Variants in ZDHHC18 observed in about 807,000 individuals in gnomAD.
ZDHHC18 encodes the protein zDHHC palmitoyltransferase 18.
In ZDHHC18, 23 loss-of-function variants were observed where a neutral mutation model predicts 37.5. The ratio of observed to expected loss-of-function variants is 0.61; its 90% CI spans 0.44 to 0.87. The LOEUF (loss-of-function observed/expected upper bound fraction) is 0.87, where lower values mean the gene tolerates loss of function less well. Among genes scored for constraint, ZDHHC18 ranks in the 40% least tolerant of loss-of-function variants. ZDHHC18 has a pLI of 0.00. For synonymous variants in ZDHHC18, 185 were observed against 218.7 expected (o/e 0.85, Z 1.36); for missense variants, 406 against 525.6 (o/e 0.77, Z 2.22).
At chr1:26,853,382 CT>C (rs1249489000) in intron 7 of ZDHHC18, among the ~76,000 whole-genome samples, 4 of 152,224 alleles carry the variant, frequency 2.6e-5, no homozygotes, top group Non-Finnish European at 1.5e-5. Flanking sequence ...GTCACCCAGC[CT>C]GCCTAGAGGG....
chr1:26,852,250 A>T (rs910401976), intron 6 of ZDHHC18, among the ~76,000 whole-genome samples: 1 of 152,066 alleles, frequency 6.6e-6, no homozygotes, highest in African/African-American at 2.4e-5. Context: ...TTATTGCTAA[A>T]CTCTCCAGTG....
chr1:26,833,485 C>T (rs184866392), intron 2 of ZDHHC18, among the ~76,000 whole-genome samples: 4 of 151,166 alleles, frequency 2.6e-5, no homozygotes, highest in African/African-American at 9.6e-5. Flanking sequence ...GGTAGAAATA[C>T]GGGGATCTGG....
At position 26,826,774 on chromosome 1, in the gene ZDHHC18, G is replaced by A; in HGVS notation, c.-31G>A. On this transcript the variant is annotated 5_prime_UTR_variant, in exon 1 of 8. Transcript: ENST00000374142. The surrounding 1 kb of genome is among the most constrained non-coding windows in gnomAD (Gnocchi z 5.2). The stretch of plus-strand genomic sequence containing the variant: ...CCCGGAGTGGCCCGGCCGGCCCGCG[G>A]GGCGCGGAGCCGAGGCCCGCGGCTG... The A allele has an allele frequency of 2.1e-6, 2 of 969,332 alleles. No individual in the cohort carries two copies. The highest frequency in any genetic ancestry group is 2.4e-6 in the Non-Finnish European group (2 of 817,574). The allele number at this position is 969,332 out of a possible 1,614,324, so 60.0% of individuals were successfully genotyped here. A position where few individuals can be genotyped will look rare whatever the true frequency, so the allele number is the denominator to read the frequency against.
chr1:26,852,371 T>C (rs922684727), intron 6 of ZDHHC18, among the ~76,000 whole-genome samples: 2 of 152,260 alleles, frequency 1.3e-5, no homozygotes, highest in African/African-American at 4.8e-5. Context: ...AAATGAGGAC[T>C]CAGGCTCAGC....
intron 3 of ZDHHC18, 53 bp downstream of exon 3, chr1:26,848,810 C>A: frequency 6.3e-7 from 1 of 1,584,572 alleles, no homozygotes; most frequent in South Asian, 1.1e-5. Context: ...GAGACTGAGT[C>A]GTGGGGATGG....
chr1:26,850,992 G>T lies in ZDHHC18; in HGVS notation c.834-137G>T. ...CAGGAGGTGATCCTGCTAAGAAGTG[G>T]GGACTGGGCCACAGGAAGGTTCCAA... is the stretch of plus-strand genomic sequence containing the variant. On this transcript the variant is annotated intron_variant, in intron 5 of 7. Transcript: ENST00000374142. This position sits in a 1 kb window ranked among gnomAD's most constrained non-coding sequence, Gnocchi z 6.1. 1 of 785,456 alleles carries T rather than the reference G, an allele frequency of 1.3e-6. No homozygotes were observed. The allele number at this position is 785,456 out of a possible 1,614,324, so 48.7% of individuals were successfully genotyped here.
At chr1:26,839,789 G>A (rs547526394) in intron 2 of ZDHHC18, among the ~76,000 whole-genome samples, 50 of 152,336 alleles carry the variant, frequency 3.3e-4, no homozygotes, top group Non-Finnish European at 5.1e-4. Flanking sequence ...AGCTGCCATC[G>A]GTAGTGGCTG....
intron 1 of ZDHHC18, 31 bp downstream of exon 1, chr1:26,827,170 A>G: frequency 2.6e-6 from 3 of 1,153,962 alleles, no homozygotes; most frequent in Non-Finnish European, 3.2e-6. Context: ...GCCCCCTCCC[A>G]GCCCCCTGCC....
chr1:26,831,061 C>T (rs889278983), intron 1 of ZDHHC18, among the ~76,000 whole-genome samples: 2 of 152,162 alleles, frequency 1.3e-5, no homozygotes, highest in South Asian at 2.1e-4. Context: ...GGATTGCAGG[C>T]GTGAGCCACT....
intron 5 of ZDHHC18, 62 bp from the exon 6 acceptor site, chr1:26,851,067 A>G (rs2124268007): frequency 6.8e-7 from 1 of 1,470,432 alleles, no homozygotes; most frequent in Non-Finnish European, 9.5e-7. Context: ...TAGGTGAGAC[A>G]GGCCAGGTGT....
chr1:26,847,513 G>C (rs891933020), intron 2 of ZDHHC18, among the ~76,000 whole-genome samples: 1 of 152,080 alleles, frequency 6.6e-6, no homozygotes, highest in African/African-American at 2.4e-5. Flanking sequence ...CATTCGGCCT[G>C]TTTCGTAGTT....
Position 26,854,179 on chromosome 1 carries a change from C to G in ZDHHC18, c.*336C>G, listed in dbSNP as rs1338625891. On this transcript the variant is annotated 3_prime_UTR_variant, in exon 8 of 8. Coordinates refer to ENST00000374142, the MANE Select transcript of ZDHHC18 (RefSeq NM_032283.3). The surrounding 1 kb of genome is among the most constrained non-coding windows in gnomAD (Gnocchi z 4.6). ...GGCTGTGAACTGAGCGTGAGGCCTC[C>G]CAGGTGGGGGAACTGCTTGGGCCTT... 2.5e-5 allele frequency: 6 copies of G among 236,376 alleles called. No homozygotes were observed. The highest frequency in any genetic ancestry group is 4.2e-5 in the Non-Finnish European group (5 of 118,908). 14.6% of individuals were successfully genotyped at this position (236,376 alleles called of 1,614,324 possible).
Position 26,851,146 on chromosome 1 carries a change from T to C in ZDHHC18, c.851T>C (p.Ile284Thr). ...ETPASVLELV[I>T]CFFSIWSILG... ...GCCCTCACCGTGCTGGAGTTGGTGA[T>C]CTGCTTCTTCTCCATCTGGTCCATT... Residue 284 changes from isoleucine to threonine, a missense_variant, in exon 6 of 8, where the codon ATC (isoleucine) becomes ACC (threonine). Transcript: ENST00000374142. 1.2e-6 allele frequency: 2 copies of C among 1,614,210 alleles called. No homozygotes were observed. Among genetic ancestry groups the C allele is most frequent in the Non-Finnish European group, 1.7e-6 (2 of 1,180,026 alleles).
At chr1:26,852,583 C>CTG (rs1390490301) in intron 6 of ZDHHC18, among the ~76,000 whole-genome samples, 170 bp from the exon 7 acceptor site, 4 of 152,238 alleles carry the variant, frequency 2.6e-5, no homozygotes, top group Non-Finnish European at 2.9e-5. Context: ...CTCCTGATCT[C>CTG]TGCCAGGGGT....
In ZDHHC18 at chr1:26,844,071, G is replaced by A. The variant is rs185486169; in HGVS notation, c.497-4537G>A. On this transcript the variant is annotated intron_variant, in intron 2 of 7. Coordinates refer to ENST00000374142, the MANE Select transcript of ZDHHC18 (RefSeq NM_032283.3). ...TTTTGTTTTTTTGTGATGGAGTCTC[G>A]CTCTGTCACCCAGACTGGAGTGCAA... 4.0e-3 allele frequency among the ~76,000 whole-genome samples: 610 copies of A among 152,016 alleles called. 2 individuals are homozygous for A. Among genetic ancestry groups the A allele is most frequent in the Non-Finnish European group, 6.5e-3 (441 of 67,980 alleles).
At chr1:26,844,903 T>C (rs1347647224) in intron 2 of ZDHHC18, among the ~76,000 whole-genome samples, 1 of 151,808 alleles carries the variant, frequency 6.6e-6, no homozygotes, top group East Asian at 1.9e-4. Context: ...TTACAGGATT[T>C]CTTTACATGG....
intron 2 of ZDHHC18, among the ~76,000 whole-genome samples, chr1:26,835,350 C>G (rs1394043626): frequency 6.6e-6 from 1 of 152,216 alleles, no homozygotes; most frequent in Non-Finnish European, 1.5e-5. Flanking sequence ...AATTCTCAAA[C>G]TTGAATAGAA....
intron 1 of ZDHHC18, among the ~76,000 whole-genome samples, chr1:26,827,660 G>A (rs1007205770): frequency 1.3e-5 from 2 of 151,980 alleles, no homozygotes; most frequent in Admixed American, 6.6e-5. Context: ...AGTCATCCTC[G>A]CTGCCCTCTC....
rs1570675359 is a variant in ZDHHC18, at chr1:26,850,149, G to A, written c.647-152G>A. Reference sequence around the variant, plus strand: ...AGGCAGTGGGAACTGGTACACAAAGGACCAGAGGCAGGTGTGTCCAAGGCC... The same window carrying A: ...AGGCAGTGGGAACTGGTACACAAAGAACCAGAGGCAGGTGTGTCCAAGGCC... On this transcript the variant is annotated intron_variant, in intron 3 of 7. Transcript: ENST00000374142. The surrounding 1 kb of genome is among the most constrained non-coding windows in gnomAD (Gnocchi z 6.1). 1.1e-6 allele frequency: 1 copy of A among 882,388 alleles called. No individual in the cohort carries two copies. The allele number at this position is 882,388 out of a possible 1,614,324, so 54.7% of individuals were successfully genotyped here.
Sources: gnomAD v4.1 joint callset for allele counts (sites outside exome capture counted in the v4.1 genomes callset) on GRCh38, gnomAD v4.1.1 for gene constraint, Gnocchi (gnomAD v3.1) non-coding constraint, MANE v1.5 for transcripts, NCBI Gene and HGNC (gene_info 2026-07-23, HGNC 2026-07-21) for gene names.